The following RUFY1 variants were observed in gnomAD, a reference collection of about 807,000 sequenced individuals.
The protein encoded by RUFY1 is RUN and FYVE domain-containing protein 1.
A neutral mutation model predicts 94.6 loss-of-function variants in RUFY1; 54 were observed. That is an observed-to-expected ratio of 0.57 (90% CI 0.46 to 0.72). The LOEUF (loss-of-function observed/expected upper bound fraction) is 0.72, where lower values mean the gene tolerates loss of function less well. Ranked by LOEUF, RUFY1 falls within the 30% of genes least tolerant of loss-of-function variation. RUFY1 has a pLI of 0.00. For synonymous variants in RUFY1, 396 were observed against 347.3 expected (o/e 1.14, Z -1.56); for missense variants, 883 against 883.9 (o/e 1.00, Z 0.01).
chr5:179,564,971 A>G (rs1342415651), intron 3 of RUFY1, among the ~76,000 whole-genome samples: 1 of 151,122 alleles, frequency 6.6e-6, no homozygotes, highest in African/African-American at 2.4e-5. Flanking sequence ...TGAGAACTGC[A>G]TGTAAAATAT....
In RUFY1 at chr5:179,565,073, C is replaced by T. The variant is rs1304893870; in HGVS notation, c.603-2388C>T. On this transcript the variant is annotated intron_variant, in intron 3 of 17. Transcript: ENST00000319449. ...AACATGTTTCGGAAATGAACTTAAA[C>T]AGAGGACACTATATTAGTGTATAGG... Among the ~76,000 whole-genome samples the T allele has an allele frequency of 2.0e-5, 3 of 149,456 alleles. No homozygotes were observed. In the Admixed American group the frequency reaches 2.0e-4, roughly 10 times the overall value.
chr5:179,561,808 G>T (rs1413370381), intron 2 of RUFY1, among the ~76,000 whole-genome samples: 2 of 142,540 alleles, frequency 1.4e-5, no homozygotes, highest in Admixed American at 1.5e-4. Flanking sequence ...TCAGCCTCCC[G>T]AGTAGCTGGG....
At chr5:179,605,305 G>C (rs981075988) in intron 15 of RUFY1, among the ~76,000 whole-genome samples, 2 of 150,138 alleles carry the variant, frequency 1.3e-5, no homozygotes, top group African/African-American at 2.4e-5. Context: ...GGATCAGACT[G>C]TTTCCCTCAA....
At chr5:179,553,202 G>A (rs1287840735) in intron 1 of RUFY1, among the ~76,000 whole-genome samples, 1 of 152,184 alleles carries the variant, frequency 6.6e-6, no homozygotes, top group Admixed American at 6.5e-5. Context: ...TGCACCCTCC[G>A]AATCTCAGGG....
intron 3 of RUFY1, among the ~76,000 whole-genome samples, chr5:179,564,764 A>T (rs1212135905): frequency 6.8e-6 from 1 of 147,508 alleles, no homozygotes; most frequent in Non-Finnish European, 1.5e-5. Context: ...CATGAAAATG[A>T]CACATGTACA....
chr5:179,593,020 C>T (rs948450762), intron 10 of RUFY1, among the ~76,000 whole-genome samples: 2 of 152,160 alleles, frequency 1.3e-5, no homozygotes, highest in African/African-American at 4.8e-5. Context: ...TCTACTCCTG[C>T]CCCAGACAGA....
In RUFY1 at chr5:179,609,422, G is replaced by A; in HGVS notation, c.2030G>A (p.Ser677Asn). Residue 677 changes from serine (S) to asparagine (N), a missense_variant, in exon 18 of 18, where the codon AGC (serine) becomes AAC (asparagine). By Grantham distance (46) the Ser-to-Asn change is conservative. Coordinates refer to ENST00000319449, the MANE Select transcript of RUFY1 (RefSeq NM_025158.5). ...CACATCTTCTGCAACACCTGCTCCAGCAACGAGCTGGCCCTGCCCTCCTAC... is the reference window on the plus strand; with the variant it reads ...CACATCTTCTGCAACACCTGCTCCAACAACGAGCTGGCCCTGCCCTCCTAC... ...CGHIFCNTCS[S>N]NELALPSYPK... 2 of 1,613,274 alleles carry A rather than the reference G, an allele frequency of 1.2e-6. No homozygotes were observed.
rs771669553 is a variant in RUFY1, at chr5:179,609,469, G to T, written c.2077G>T (p.Asp693Tyr). The T allele has an allele frequency of 6.2e-7, 1 of 1,610,724 alleles. No individual in the cohort carries two copies. Among genetic ancestry groups the T allele is most frequent in the Non-Finnish European group, 8.5e-7 (1 of 1,179,582 alleles). ...PSYPKPVRVC[D>Y]SCHTLLLQRC... ...CTACCCCAAGCCGGTGCGAGTGTGC[G>T]ACAGCTGCCACACCCTGCTCCTGCA... Residue 693 changes from aspartate (D) to tyrosine (Y), a missense_variant, in exon 18 of 18, where the codon GAC becomes TAC. Asp to Tyr is a radical substitution (Grantham distance 160). Coordinates refer to ENST00000319449, the MANE Select transcript of RUFY1 (RefSeq NM_025158.5).
intron 7 of RUFY1, 35 bp downstream of exon 7, chr5:179,581,047 A>G (rs1190845207): frequency 5.4e-6 from 7 of 1,298,932 alleles, no homozygotes; most frequent in Non-Finnish European, 7.7e-6. Context: ...TGACAGTTAC[A>G]TACTCGGTAT....
chr5:179,575,227 T>C (rs748109353), intron 5 of RUFY1, among the ~76,000 whole-genome samples: 5 of 152,212 alleles, frequency 3.3e-5, no homozygotes, highest in Non-Finnish European at 7.3e-5. Context: ...TAACAATCAC[T>C]GTATCTTTCA....
At chr5:179,605,513 G>T (rs1464102359) in intron 15 of RUFY1, among the ~76,000 whole-genome samples, 2 of 152,206 alleles carry the variant, frequency 1.3e-5, no homozygotes, top group Non-Finnish European at 2.9e-5. Flanking sequence ...TGCAGACTCA[G>T]GTTCCTGCTG....
At chr5:179,586,382 C>G (rs1463902184) in intron 8 of RUFY1, 3 of 456,626 alleles carry the variant, frequency 6.6e-6, no homozygotes, top group South Asian at 1.5e-5. Flanking sequence ...AGGAAGAGAG[C>G]TTGCTGCCAG....
At chr5:179,553,926 C>T (rs776039972) in intron 1 of RUFY1, among the ~76,000 whole-genome samples, 3 of 152,118 alleles carry the variant, frequency 2.0e-5, no homozygotes, top group African/African-American at 7.2e-5. Flanking sequence ...CAAAGGTCAC[C>T]GGGATTTGAA....
At chr5:179,574,510 CT>C (rs1345475584) in intron 5 of RUFY1, among the ~76,000 whole-genome samples, 3 of 152,226 alleles carry the variant, frequency 2.0e-5, no homozygotes, top group Non-Finnish European at 4.4e-5. Context: ...CTAGAACTTA[CT>C]GGTATGACCA....
intron 14 of RUFY1, among the ~76,000 whole-genome samples, chr5:179,600,397 G>A (rs185548724): frequency 6.9e-4 from 105 of 152,288 alleles, no homozygotes; most frequent in African/African-American, 2.3e-3. Flanking sequence ...AACTCCCTCC[G>A]TGCAGGGCTC....
At chr5:179,590,008 G>A (rs1764916335) in intron 9 of RUFY1, among the ~76,000 whole-genome samples, 1 of 152,148 alleles carries the variant, frequency 6.6e-6, no homozygotes, top group Non-Finnish European at 1.5e-5. Context: ...TCCCTTTGCT[G>A]TTTTGTAGAA....
intron 7 of RUFY1, among the ~76,000 whole-genome samples, chr5:179,581,960 C>T (rs546143118): frequency 6.6e-6 from 1 of 152,254 alleles, no homozygotes; most frequent in South Asian, 2.1e-4. Context: ...GCTAGAATTA[C>T]AGGCATGAGC....
chr5:179,593,775 C>G (rs1411481732), intron 11 of RUFY1, 130 bp downstream of exon 11: 6 of 1,386,314 alleles, frequency 4.3e-6, no homozygotes, highest in East Asian at 5.1e-5. Flanking sequence ...CTCCTAGGAC[C>G]TATTATGATT....
At chr5:179,551,421 G>C (rs745845375) in intron 1 of RUFY1, among the ~76,000 whole-genome samples, 2 of 152,232 alleles carry the variant, frequency 1.3e-5, no homozygotes, top group Non-Finnish European at 2.9e-5. Flanking sequence ...GCCCTCTAAC[G>C]CCAGACATCC....
Sources: gnomAD v4.1 joint callset for allele counts (sites outside exome capture counted in the v4.1 genomes callset) on GRCh38, gnomAD v4.1.1 for gene constraint, MANE v1.5 for transcripts, NCBI Gene and HGNC (gene_info 2026-07-23, HGNC 2026-07-21) for gene names.